The following SRGAP1 variants were observed in gnomAD, a reference collection of about 807,000 sequenced individuals.
SRGAP1 encodes SLIT-ROBO Rho GTPase activating protein 1.
A neutral mutation model predicts 121.9 loss-of-function variants in SRGAP1; 43 were observed. The ratio of observed to expected loss-of-function variants is 0.35; its 90% CI spans 0.28 to 0.46. The LOEUF is 0.46. Ranked by LOEUF, SRGAP1 falls within the 20% of genes least tolerant of loss-of-function variation. The pLI is 1.00. For synonymous variants in SRGAP1, 447 were observed against 485.4 expected (o/e 0.92, Z 1.04); for missense variants, 1,102 against 1,350.9 (o/e 0.82, Z 2.89).
intron 3 of SRGAP1, among the ~76,000 whole-genome samples, chr12:64,002,964 G>C (rs1180969955): frequency 6.6e-6 from 1 of 151,206 alleles, no homozygotes; most frequent in African/African-American, 2.4e-5. Context: ...ATCAAATTCT[G>C]AGATGACACA....
At chr12:64,130,629 T>C (rs1342666331) in intron 21 of SRGAP1, among the ~76,000 whole-genome samples, 1 of 152,212 alleles carries the variant, frequency 6.6e-6, no homozygotes, top group East Asian at 1.9e-4. Flanking sequence ...CAATCCACCA[T>C]TCTGTCAATC....
chr12:63,858,023 A>G (rs1899312255), intron 1 of SRGAP1, among the ~76,000 whole-genome samples: 1 of 152,146 alleles, frequency 6.6e-6, no homozygotes, highest in African/African-American at 2.4e-5. Flanking sequence ...TGAAGTTTTA[A>G]TCATTAATAG....
chr12:64,114,323 A>G lies in SRGAP1; in HGVS notation c.2145-1491A>G, dbSNP rs564142675. Among the ~76,000 whole-genome samples the G allele has an allele frequency of 8.3e-5, 11 of 133,186 alleles. No homozygotes were observed. The East Asian group carries it at 2.7e-3, about 33-fold the overall frequency. The allele number at this position is 133,186 out of a possible 152,430, so 87.4% of individuals were successfully genotyped here. A position where few individuals can be genotyped will look rare whatever the true frequency, so the allele number is the denominator to read the frequency against. ...TTGTTTTAAGGCCAGTACCAAAGAT[A>G]TGGTTAGCTTTTTTTTTTTTTTTTT... On this transcript the variant is annotated intron_variant, in intron 17 of 21. Coordinates refer to ENST00000355086, the MANE Select transcript of SRGAP1 (RefSeq NM_020762.4).
intron 6 of SRGAP1, among the ~76,000 whole-genome samples, chr12:64,057,387 G>T (rs1345546021): frequency 1.3e-5 from 2 of 152,102 alleles, no homozygotes; most frequent in African/African-American, 4.8e-5. Flanking sequence ...TAGACATCTG[G>T]TTCAGTCCTG....
intron 1 of SRGAP1, among the ~76,000 whole-genome samples, chr12:63,971,527 C>A (rs1358374424): frequency 6.6e-6 from 1 of 152,000 alleles, no homozygotes; most frequent in South Asian, 2.1e-4. Flanking sequence ...GATGTTTGTG[C>A]AGGACTAGAA....
chr12:64,089,792 C>G (rs766272444), intron 11 of SRGAP1, among the ~76,000 whole-genome samples: 1 of 152,152 alleles, frequency 6.6e-6, no homozygotes, highest in Non-Finnish European at 1.5e-5. Flanking sequence ...TTGCTGTGCA[C>G]CTTGTTCATC....
intron 1 of SRGAP1, among the ~76,000 whole-genome samples, chr12:63,860,702 G>T (rs1356717089): frequency 6.6e-6 from 1 of 152,086 alleles, no homozygotes; most frequent in East Asian, 1.9e-4. Context: ...CTTGCCAGAA[G>T]TATGTTTATT....
chr12:64,111,507 T>G (rs2036429519), intron 16 of SRGAP1, among the ~76,000 whole-genome samples: 1 of 152,156 alleles, frequency 6.6e-6, no homozygotes, highest in Admixed American at 6.6e-5. Context: ...GATCCTGGTC[T>G]CCATTGTAGT....
At chr12:63,908,098 T>C (rs1014100347) in intron 1 of SRGAP1, among the ~76,000 whole-genome samples, 2 of 152,228 alleles carry the variant, frequency 1.3e-5, no homozygotes, top group African/African-American at 4.8e-5. Flanking sequence ...AGTACCACAC[T>C]ATCTTGATTA....
chr12:63,912,286 A>T (rs2030537191), intron 1 of SRGAP1, among the ~76,000 whole-genome samples: 1 of 152,082 alleles, frequency 6.6e-6, no homozygotes. Context: ...CTGAAAGGGT[A>T]ATTTATTCAA....
chr12:64,029,050 A>C (rs1035635699), intron 4 of SRGAP1, among the ~76,000 whole-genome samples: 1 of 152,222 alleles, frequency 6.6e-6, no homozygotes, highest in African/African-American at 2.4e-5. Flanking sequence ...GGTATAAGGC[A>C]AAACTAGTAT....
chr12:64,090,037 G>A (rs1447868484), intron 11 of SRGAP1, among the ~76,000 whole-genome samples: 3 of 152,158 alleles, frequency 2.0e-5, no homozygotes, highest in Non-Finnish European at 4.4e-5. Context: ...GGTGTGGTGT[G>A]TATCCTCCTA....
At chr12:64,137,264 G>A (rs933257057) in intron 21 of SRGAP1, among the ~76,000 whole-genome samples, 13 of 144,246 alleles carry the variant, frequency 9.0e-5, no homozygotes, top group African/African-American at 3.3e-4. Context: ...GTGAGACTCC[G>A]TCTCAAAAAA....
intron 1 of SRGAP1, among the ~76,000 whole-genome samples, chr12:63,846,350 G>A (rs942332438): frequency 6.6e-6 from 1 of 152,132 alleles, no homozygotes; most frequent in African/African-American, 2.4e-5. Context: ...CAGTACTCTT[G>A]TTCACAACCA....
chr12:63,940,497 G>A (rs768323159), intron 1 of SRGAP1, among the ~76,000 whole-genome samples: 30 of 151,996 alleles, frequency 2.0e-4, no homozygotes, highest in Non-Finnish European at 3.5e-4. Context: ...AAGGGGGTGG[G>A]GGTTTGCTGT....
At chr12:64,097,444 GT>G in intron 15 of SRGAP1, 69 bp downstream of exon 15, 1 of 1,557,106 alleles carries the variant, frequency 6.4e-7, no homozygotes, top group Non-Finnish European at 8.7e-7. Flanking sequence ...GGAAAAGGCA[GT>G]GGCCCCCCTC....
chr12:64,111,644 C>A, intron 16 of SRGAP1, 118 bp from the exon 17 acceptor site: 1 of 852,010 alleles, frequency 1.2e-6, no homozygotes, highest in Non-Finnish European at 1.7e-6. Context: ...TTGGAGTTTG[C>A]TGAGCCAACT....
At position 64,152,348 on chromosome 12, in the gene SRGAP1, C is replaced by G. The variant is rs141370556; in HGVS notation, c.*9676C>G. ...ACGCCATCTGGTGCTGGAGGCTATG[C>G]TCATAACCACTGCTGCATTCTGACC... On this transcript the variant is annotated 3_prime_UTR_variant, in exon 22 of 22. Coordinates refer to ENST00000355086, the MANE Select transcript of SRGAP1 (RefSeq NM_020762.4). 2.1e-4 allele frequency: 32 copies of G among 152,330 alleles called. No individual in the cohort carries two copies. The highest frequency in any genetic ancestry group is 7.2e-4 in the African/African-American group (30 of 41,554). The allele number at this position is 152,330 out of a possible 1,614,324, so 9.4% of individuals were successfully genotyped here. A position where few individuals can be genotyped will look rare whatever the true frequency, so the allele number is the denominator to read the frequency against.
At chr12:63,983,455 A>T (rs1647717958) in intron 1 of SRGAP1, 1 of 152,140 alleles carries the variant, frequency 6.6e-6, no homozygotes, top group South Asian at 2.1e-4. Context: ...TTCTTTCCTG[A>T]GGCTCCTCTT....
Sources: allele counts gnomAD v4.1 joint callset (sites outside exome capture counted in the v4.1 genomes callset), GRCh38; gene constraint gnomAD v4.1.1; transcripts MANE v1.5; gene names NCBI Gene and HGNC (gene_info 2026-07-23, HGNC 2026-07-21).